The following ZNF423 variants were observed in gnomAD, a reference collection of about 807,000 sequenced individuals.
ZNF423 encodes Ebf-associated zinc finger protein.
A neutral mutation model predicts 95.8 loss-of-function variants in ZNF423; 12 were observed. The observed-to-expected ratio is 0.13, with a 90% CI of 0.08 to 0.20. ZNF423 has a LOEUF of 0.20. Among genes scored for constraint, ZNF423 ranks in the 10% least tolerant of loss-of-function variants. The pLI, the probability that ZNF423 is intolerant of heterozygous loss-of-function variation, is 1.00. For synonymous variants in ZNF423, 749 were observed against 711.9 expected (o/e 1.05, Z -0.83); for missense variants, 1,316 against 1,737.1 (o/e 0.76, Z 4.31).
chr16:49,763,328 G>A (rs980282934), intron 2 of ZNF423, among the ~76,000 whole-genome samples: 1 of 149,410 alleles, frequency 6.7e-6, no homozygotes, highest in South Asian at 2.1e-4. Context: ...GCCCAGGCTG[G>A]AGTGCAGTGG....
Position 49,636,962 on chromosome 16 carries a change from G to A in ZNF423, c.2214C>T (p.Asp738=), listed in dbSNP as rs147043161. ...GGTGCACCTGGATGGACACCTTGGA[G>A]TCGAAGACCTCCTGACACAGGGTGC... ...YHCTLCQEVF[D]SKVSIQVHLA... is the part of the protein sequence containing the mutation. Residue 738 remains aspartate (D), a synonymous_variant, in exon 4 of 8, where the codon GAC becomes GAT. Transcript: ENST00000563137. This position sits in a 1 kb window ranked among gnomAD's most constrained non-coding sequence, Gnocchi z 8.6. The A allele has an allele frequency of 8.1e-5, 131 of 1,613,664 alleles. No homozygotes were observed. The highest frequency in any genetic ancestry group is 9.8e-5 in the Non-Finnish European group (116 of 1,179,956).
chr16:49,580,991 T>G (rs1970654172), intron 5 of ZNF423, among the ~76,000 whole-genome samples: 1 of 152,088 alleles, frequency 6.6e-6, no homozygotes, highest in Non-Finnish European at 1.5e-5. Context: ...GCTGAGTAGA[T>G]GTACGCTCCA....
chr16:49,543,433 G>A (rs1969323930), intron 5 of ZNF423, among the ~76,000 whole-genome samples: 1 of 152,120 alleles, frequency 6.6e-6, no homozygotes, highest in Non-Finnish European at 1.5e-5. Flanking sequence ...GGCCTAATCT[G>A]AGGCTCAATT....
At chr16:49,750,528 G>A (rs978263352) in intron 2 of ZNF423, among the ~76,000 whole-genome samples, 2 of 152,126 alleles carry the variant, frequency 1.3e-5, no homozygotes, top group Admixed American at 1.3e-4. Flanking sequence ...GAGCCCCCAG[G>A]GTCAGCCAGA....
At chr16:49,736,074 C>T (rs2033279983) in intron 2 of ZNF423, among the ~76,000 whole-genome samples, 1 of 152,068 alleles carries the variant, frequency 6.6e-6, no homozygotes, top group Non-Finnish European at 1.5e-5. Flanking sequence ...CCCTGGCATA[C>T]AGAGGGACAT....
intron 3 of ZNF423, among the ~76,000 whole-genome samples, chr16:49,687,703 G>C (rs1210138755): frequency 6.6e-6 from 1 of 152,204 alleles, no homozygotes; most frequent in Non-Finnish European, 1.5e-5. Context: ...TGTGGAGAGA[G>C]GGGAGAAGAA....
At position 49,573,681 on chromosome 16, in the gene ZNF423, G is replaced by A. The variant is rs546109341; in HGVS notation, c.3602-48187C>T. 1.8e-3 allele frequency among the ~76,000 whole-genome samples: 272 copies of A among 152,214 alleles called. 1 individual carries two copies. Among genetic ancestry groups the A allele is most frequent in the South Asian group, 9.1e-3 (44 of 4,820 alleles). On this transcript the variant is annotated intron_variant, in intron 5 of 7. Coordinates refer to ENST00000563137, the MANE Select transcript of ZNF423 (RefSeq NM_001379286.1). The stretch of plus-strand genomic sequence containing the variant: ...CCCACCTCCAAATGACTCAACATAC[G>A]GATTTTGGGATTAAATCTCCAACAC...
chr16:49,630,706 A>T (rs1380616580), intron 4 of ZNF423, among the ~76,000 whole-genome samples: 4 of 152,128 alleles, frequency 2.6e-5, no homozygotes, highest in Non-Finnish European at 2.9e-5. Flanking sequence ...TCTCAGGGGC[A>T]GGTGAATAAA....
intron 3 of ZNF423, among the ~76,000 whole-genome samples, chr16:49,693,709 C>T (rs945670751): frequency 6.6e-6 from 1 of 152,198 alleles, no homozygotes; most frequent in African/African-American, 2.4e-5. Context: ...GATGCTCTAC[C>T]TCAGCAAGGA....
At chr16:49,751,534 T>G (rs756376992) in intron 2 of ZNF423, among the ~76,000 whole-genome samples, 8 of 152,186 alleles carry the variant, frequency 5.3e-5, no homozygotes, top group Admixed American at 1.3e-4. Context: ...GGTCAAATCT[T>G]ATTGGGAAAC....
At chr16:49,585,067 A>T (rs1473955522) in intron 5 of ZNF423, among the ~76,000 whole-genome samples, 1 of 152,174 alleles carries the variant, frequency 6.6e-6, no homozygotes. Flanking sequence ...ATGAACTTTC[A>T]GGGGCAATGA....
At chr16:49,811,670 G>A (rs1410707289) in intron 1 of ZNF423, among the ~76,000 whole-genome samples, 1 of 152,142 alleles carries the variant, frequency 6.6e-6, no homozygotes, top group Non-Finnish European at 1.5e-5. Flanking sequence ...GGGCCCAGAA[G>A]AGCAGCCATC....
At chr16:49,780,990 C>G (rs1247894452) in intron 2 of ZNF423, among the ~76,000 whole-genome samples, 1 of 152,208 alleles carries the variant, frequency 6.6e-6, no homozygotes, top group Non-Finnish European at 1.5e-5. Context: ...CAAAGGGCGC[C>G]CAGGCAGCAT....
intron 7 of ZNF423, among the ~76,000 whole-genome samples, chr16:49,500,591 A>G (rs1443684735): frequency 6.6e-6 from 1 of 152,104 alleles, no homozygotes; most frequent in Non-Finnish European, 1.5e-5. Flanking sequence ...CCTTGAGAAG[A>G]GCCTGGGGTG....
At chr16:49,714,755 TA>T (rs1457389870) in intron 3 of ZNF423, among the ~76,000 whole-genome samples, 1 of 145,996 alleles carries the variant, frequency 6.8e-6, no homozygotes, top group Non-Finnish European at 1.5e-5. Context: ...ACCCCATCTC[TA>T]CAAAAAAAAA....
intron 7 of ZNF423, among the ~76,000 whole-genome samples, chr16:49,520,173 C>T (rs1322424837): frequency 6.6e-6 from 1 of 152,212 alleles, no homozygotes; most frequent in Admixed American, 6.5e-5. Context: ...ACTGTCTTCT[C>T]AGGTGCTAGA....
At chr16:49,856,398 C>T (rs1749868769), upstream of ZNF423, among the ~76,000 whole-genome samples, 1 of 140,948 alleles carries the variant, frequency 7.1e-6, no homozygotes, top group African/African-American at 2.7e-5. Context: ...GGGAGGCGGT[C>T]GGGAGCGCGG....
chr16:49,546,582 T>A (rs1969451060), intron 5 of ZNF423, among the ~76,000 whole-genome samples: 1 of 152,166 alleles, frequency 6.6e-6, no homozygotes, highest in Admixed American at 6.5e-5. Context: ...ATTACAAAGT[T>A]CAAGATTTAA....
At chr16:49,660,882 G>A (rs2030182938) in intron 3 of ZNF423, among the ~76,000 whole-genome samples, 1 of 152,048 alleles carries the variant, frequency 6.6e-6, no homozygotes, top group South Asian at 2.1e-4. Flanking sequence ...CCAAACAAAT[G>A]GATAGATTTA....
Sources: gnomAD v4.1 joint callset for allele counts (sites outside exome capture counted in the v4.1 genomes callset) on GRCh38, gnomAD v4.1.1 for gene constraint, Gnocchi (gnomAD v3.1) non-coding constraint, MANE v1.5 for transcripts, NCBI Gene and HGNC (gene_info 2026-07-23, HGNC 2026-07-21) for gene names.